The following CADM1 variants were observed in gnomAD, a reference collection of about 807,000 sequenced individuals.
The protein encoded by CADM1 is cell adhesion molecule 1.
CADM1 carries 15 observed loss-of-function variants against 53.1 expected under a neutral mutation model. That is an observed-to-expected ratio of 0.28 (90% confidence interval 0.19 to 0.44). The LOEUF (loss-of-function observed/expected upper bound fraction) is 0.44, where lower values mean the gene tolerates loss of function less well. Among genes scored for constraint, CADM1 ranks in the 20% least tolerant of loss-of-function variants. The pLI is 1.00. For synonymous variants in CADM1, 281 were observed against 243.0 expected (o/e 1.16, Z -1.45); for missense variants, 434 against 611.3 (o/e 0.71, Z 3.06).
intron 1 of CADM1, among the ~76,000 whole-genome samples, chr11:115,451,183 A>G (rs1305332993): frequency 6.6e-6 from 1 of 152,236 alleles, no homozygotes; most frequent in African/African-American, 2.4e-5. Flanking sequence ...AAACTTCATA[A>G]TAAGCAGCCA....
At chr11:115,282,464 T>C (rs1051904175) in intron 1 of CADM1, among the ~76,000 whole-genome samples, 2 of 152,184 alleles carry the variant, frequency 1.3e-5, no homozygotes, top group Non-Finnish European at 2.9e-5. Flanking sequence ...ATAAGAGGCA[T>C]CTTAAGTTCT....
intron 1 of CADM1, among the ~76,000 whole-genome samples, chr11:115,261,946 AT>A (rs1239918402): frequency 1.3e-5 from 2 of 151,708 alleles, no homozygotes; most frequent in Non-Finnish European, 2.9e-5. Context: ...CACCTGACTA[AT>A]TTTTTGTATT....
At chr11:115,336,548 A>C (rs1280612720) in intron 1 of CADM1, among the ~76,000 whole-genome samples, 1 of 152,192 alleles carries the variant, frequency 6.6e-6, no homozygotes, top group Non-Finnish European at 1.5e-5. Context: ...ACCCTTATTT[A>C]ATTTTCTGAT....
intron 1 of CADM1, among the ~76,000 whole-genome samples, chr11:115,321,147 A>G (rs894594191): frequency 6.6e-6 from 1 of 152,218 alleles, no homozygotes; most frequent in Non-Finnish European, 1.5e-5. Flanking sequence ...CCTTCAAGTA[A>G]TTCAGTTTTT....
intron 1 of CADM1, among the ~76,000 whole-genome samples, chr11:115,296,970 C>A (rs570728942): frequency 3.3e-5 from 5 of 152,254 alleles, no homozygotes; most frequent in Non-Finnish European, 7.4e-5. Flanking sequence ...CTTTCTACTG[C>A]CAATTTTTTA....
chr11:115,428,937 T>C (rs1947969155), intron 1 of CADM1, among the ~76,000 whole-genome samples: 1 of 152,178 alleles, frequency 6.6e-6, no homozygotes, highest in Non-Finnish European at 1.5e-5. Context: ...TTCAGTAACA[T>C]CTCACGTTTG....
intron 1 of CADM1, among the ~76,000 whole-genome samples, chr11:115,373,592 AAAAAAAAAAAAAAAAAGAAG>A (rs1268176343): frequency 2.7e-5 from 4 of 145,714 alleles, no homozygotes; most frequent in Admixed American, 6.9e-5. Flanking sequence ...TCAAAAAAAA[AAAAAAAAAAAAAAAAAGAAG>A]AAGAAGAAGA....
chr11:115,374,978 A>G (rs1946402598), intron 1 of CADM1, among the ~76,000 whole-genome samples: 1 of 152,216 alleles, frequency 6.6e-6, no homozygotes, highest in African/African-American at 2.4e-5. Flanking sequence ...TACTGCCTGG[A>G]TATTGTTGGT....
chr11:115,261,065 C>A (rs534633516), intron 1 of CADM1, among the ~76,000 whole-genome samples: 1 of 152,218 alleles, frequency 6.6e-6, no homozygotes, highest in African/African-American at 2.4e-5. Context: ...AGGCCAAGTG[C>A]TTCTCAATGC....
intron 1 of CADM1, among the ~76,000 whole-genome samples, chr11:115,274,191 T>C (rs905337201): frequency 6.6e-6 from 1 of 152,240 alleles, no homozygotes; most frequent in Non-Finnish European, 1.5e-5. Context: ...TAGTTAGTAA[T>C]CTCTTAATGG....
At chr11:115,246,584 G>A (rs1942414417) in intron 1 of CADM1, among the ~76,000 whole-genome samples, 1 of 152,164 alleles carries the variant, frequency 6.6e-6, no homozygotes, top group Non-Finnish European at 1.5e-5. Context: ...GAAATCATAT[G>A]ACAAGCATGA....
At chr11:115,294,970 T>G (rs907075619) in intron 1 of CADM1, among the ~76,000 whole-genome samples, 80 of 152,028 alleles carry the variant, frequency 5.3e-4, no homozygotes, top group Non-Finnish European at 7.9e-4. Context: ...ACCTGGGAGG[T>G]GGAGGTTGCA....
At position 115,171,079 on chromosome 11, in the gene CADM1, A is replaced by G. The variant is rs149757879; in HGVS notation, c.*5395T>C. The G allele has an allele frequency of 6.6e-6, 1 of 152,302 alleles. No individual in the cohort carries two copies. The highest frequency in any genetic ancestry group is 2.4e-5 in the African/African-American group (1 of 41,562). The allele number at this position is 152,302 out of a possible 1,614,324, so 9.4% of individuals were successfully genotyped here. ...ATGGTATTGACCTACAAGGTCATGG[A>G]TGAGCCAAGAGTCCCTTCTTTCTTC... On this transcript the variant is annotated 3_prime_UTR_variant, in exon 12 of 12. Coordinates refer to ENST00000331581, the MANE Select transcript of CADM1 (RefSeq NM_001301043.2).
intron 1 of CADM1, among the ~76,000 whole-genome samples, chr11:115,412,051 T>G (rs1446009798): frequency 6.6e-6 from 1 of 152,238 alleles, no homozygotes; most frequent in Non-Finnish European, 1.5e-5. Flanking sequence ...CTTAGCAATA[T>G]ATGCTTTTTA....
chr11:115,174,918 C>T lies in CADM1; in HGVS notation c.*1556G>A, dbSNP rs1938954100. 1 of 985,556 alleles carries T rather than the reference C, an allele frequency of 1.0e-6. No homozygotes were observed. Among genetic ancestry groups the T allele is most frequent in the African/African-American group, 1.7e-5 (1 of 57,200 alleles). 61.1% of individuals were successfully genotyped at this position (985,556 alleles called of 1,614,324 possible). A position where few individuals can be genotyped will look rare whatever the true frequency, so the allele number is the denominator to read the frequency against. ...AATCCCCACACTTCTTTCTTTAAAA[C>T]ATGTAAATGGTAACGTGACTCCTCT... On this transcript the variant is annotated 3_prime_UTR_variant, in exon 12 of 12. Transcript: ENST00000331581.
At chr11:115,457,116 C>T (rs1480534559) in intron 1 of CADM1, among the ~76,000 whole-genome samples, 1 of 152,140 alleles carries the variant, frequency 6.6e-6, no homozygotes, top group African/African-American at 2.4e-5. Flanking sequence ...CCTTAATCTC[C>T]TCCACAACCC....
At chr11:115,456,909 T>G (rs540624118) in intron 1 of CADM1, among the ~76,000 whole-genome samples, 1 of 152,282 alleles carries the variant, frequency 6.6e-6, no homozygotes, top group African/African-American at 2.4e-5. Flanking sequence ...AACCTACTGT[T>G]GATCATGCTG....
At chr11:115,378,279 G>C (rs550203074) in intron 1 of CADM1, among the ~76,000 whole-genome samples, 1 of 152,254 alleles carries the variant, frequency 6.6e-6, no homozygotes, top group South Asian at 2.1e-4. Context: ...ATGTGAAAAT[G>C]AGATAAGTCA....
intron 1 of CADM1, among the ~76,000 whole-genome samples, chr11:115,409,314 A>G (rs776813804): frequency 1.3e-5 from 2 of 152,248 alleles, no homozygotes; most frequent in Non-Finnish European, 2.9e-5. Context: ...CATGCAGCAC[A>G]GAGTCACTTT....
Sources: gnomAD v4.1 joint callset for allele counts (sites outside exome capture counted in the v4.1 genomes callset) on GRCh38, gnomAD v4.1.1 for gene constraint, MANE v1.5 for transcripts, NCBI Gene and HGNC (gene_info 2026-07-23, HGNC 2026-07-21) for gene names.